TAX1BP3: variants seen among roughly 807,000 people sequenced by gnomAD.
TAX1BP3 encodes the protein Tax1 binding protein 3.
TAX1BP3 carries 13 observed loss-of-function variants against 15.3 expected under a neutral mutation model. The observed-to-expected ratio is 0.85, with a 90% confidence interval of 0.55 to 1.35. The LOEUF is 1.35. Ranked by LOEUF, TAX1BP3 falls within the 40% of genes most tolerant of loss-of-function variation. The pLI is 0.00. For synonymous variants in TAX1BP3, 70 were observed against 66.0 expected (o/e 1.06, Z -0.30); for missense variants, 147 against 169.6 (o/e 0.87, Z 0.74).
chr17:3,664,440 C>T, intron 2 of TAX1BP3, 168 bp from the exon 3 acceptor site: 1 of 970,768 alleles, frequency 1.0e-6, no homozygotes. Context: ...GGCAGAGTTG[C>T]TGCACCACCA....
chr17:3,665,172 AG>A (rs2076325384), intron 1 of TAX1BP3: 13 of 887,136 alleles, frequency 1.5e-5, no homozygotes, highest in Non-Finnish European at 2.4e-5. Context: ...AAGGAGAGGA[AG>A]GGGTTTCCTT....
At chr17:3,665,683 C>T (rs1414686465) in intron 1 of TAX1BP3, 5 of 842,824 alleles carry the variant, frequency 5.9e-6, no homozygotes, top group Non-Finnish European at 7.8e-6. Context: ...GAACCTATTC[C>T]CTATGAATTC....
chr17:3,664,107 G>C, intron 3 of TAX1BP3, 88 bp downstream of exon 3: 15 of 1,560,200 alleles, frequency 9.6e-6, no homozygotes, highest in Non-Finnish European at 1.3e-5. Context: ...GTCTCTCCCA[G>C]CTGGGAGGCT....
chr17:3,668,473 C>T lies in TAX1BP3; in HGVS notation c.39+15G>A, dbSNP rs1376695027. 1 of 1,607,878 alleles carries T rather than the reference C, an allele frequency of 6.2e-7. No homozygotes were observed. The highest frequency in any genetic ancestry group is 1.7e-5 in the Admixed American group (1 of 59,596). On this transcript the variant is annotated intron_variant, in intron 1 of 3. Coordinates refer to ENST00000225525, the MANE Select transcript of TAX1BP3 (RefSeq NM_014604.4). The surrounding 1 kb of genome is among the most constrained non-coding windows in gnomAD (Gnocchi z 4.1). ...TCAGGCCAAGACGAGGAGGAGCCCG[C>T]GCAAGCGCACTCACCACCACGGCGG... is the stretch of plus-strand genomic sequence containing the variant.
chr17:3,664,918 C>G, intron 1 of TAX1BP3, 120 bp from the exon 2 acceptor site: 1 of 1,417,378 alleles, frequency 7.1e-7, no homozygotes, highest in Non-Finnish European at 9.5e-7. Context: ...CTGCAGGAAT[C>G]CAGCTGCTCA....
Position 3,668,368 on chromosome 17 carries a change from GC to G in TAX1BP3, c.39+119del. On this transcript the variant is annotated intron_variant, in intron 1 of 3. Coordinates refer to ENST00000225525, the MANE Select transcript of TAX1BP3 (RefSeq NM_014604.4). The surrounding 1 kb of genome is among the most constrained non-coding windows in gnomAD (Gnocchi z 4.1). ...CGGCAAAGCGGGGACCCGAGCCCTT[GC>G]CGCCGGTTCGCAGGAGCCCCGGGTT... 3 of 1,327,388 alleles carry G rather than the reference GC, an allele frequency of 2.3e-6. No homozygotes were observed. The highest frequency in any genetic ancestry group is 3.0e-6 in the Non-Finnish European group (3 of 985,966). 82.2% of individuals were successfully genotyped at this position (1,327,388 alleles called of 1,614,324 possible).
rs1353215438 is a variant in TAX1BP3, at chr17:3,668,193, A to G, written c.39+295T>C. Among the ~76,000 whole-genome samples, 1 of 152,068 alleles carries G rather than the reference A, an allele frequency of 6.6e-6. No individual in the cohort carries two copies. The highest frequency in any genetic ancestry group is 1.5e-5 in the Non-Finnish European group (1 of 67,996). On this transcript the variant is annotated intron_variant, in intron 1 of 3. Transcript: ENST00000225525. This position sits in a 1 kb window ranked among gnomAD's most constrained non-coding sequence, Gnocchi z 4.1. Reference sequence around the variant, plus strand: ...CCGTCTGGGGACACGGAGGCCCGGGAAGGGGGCGCTTTTCCAGGCTCCTGC... The same window carrying G: ...CCGTCTGGGGACACGGAGGCCCGGGGAGGGGGCGCTTTTCCAGGCTCCTGC...
rs2142991081 is a variant in TAX1BP3, at chr17:3,663,426, G to A, written c.*322C>T. ...TTTCCCAGCTTTTGGGGGCTCCCAA[G>A]AGATAGTGGTTCCCACTTGCCCAGC... is the stretch of plus-strand genomic sequence containing the variant. On this transcript the variant is annotated 3_prime_UTR_variant, in exon 4 of 4. Transcript: ENST00000225525. 1 of 266,806 alleles carries A rather than the reference G, an allele frequency of 3.7e-6. No homozygotes were observed. Among genetic ancestry groups the A allele is most frequent in the East Asian group, 6.6e-5 (1 of 15,050 alleles). The allele number at this position is 266,806 out of a possible 1,614,324, so 16.5% of individuals were successfully genotyped here. A position where few individuals can be genotyped will look rare whatever the true frequency, so the allele number is the denominator to read the frequency against.
chr17:3,668,413 CT>C lies in TAX1BP3; in HGVS notation c.39+74del, dbSNP rs2076365246. 1.3e-6 allele frequency: 2 copies of C among 1,570,316 alleles called. No homozygotes were observed. Among genetic ancestry groups the C allele is most frequent in the Non-Finnish European group, 8.7e-7 (1 of 1,155,014 alleles). Reference sequence around the variant, plus strand: ...CCGGGTTCGATGCTCTGTCAACCTGCTTGGGGTGTCCGTTTCCCGCTCTGCG... The same window carrying C: ...CCGGGTTCGATGCTCTGTCAACCTGCTGGGGTGTCCGTTTCCCGCTCTGCG... On this transcript the variant is annotated intron_variant, in intron 1 of 3. Coordinates refer to ENST00000225525, the MANE Select transcript of TAX1BP3 (RefSeq NM_014604.4). This position sits in a 1 kb window ranked among gnomAD's most constrained non-coding sequence, Gnocchi z 4.1.
At chr17:3,665,738 GCT>G (rs1567722059) in intron 1 of TAX1BP3, 32 of 279,292 alleles carry the variant, frequency 1.1e-4, no homozygotes, top group South Asian at 1.9e-4. Flanking sequence ...GGATCTCTGG[GCT>G]CCAAAAAAAA....
At chr17:3,666,984 C>T (rs972296645) in intron 1 of TAX1BP3, among the ~76,000 whole-genome samples, 1 of 152,148 alleles carries the variant, frequency 6.6e-6, no homozygotes, top group Non-Finnish European at 1.5e-5. Context: ...CCTCACCTGT[C>T]CCTGCCCCCC....
At chr17:3,664,139 G>T in intron 3 of TAX1BP3, 56 bp downstream of exon 3, 1 of 1,607,794 alleles carries the variant, frequency 6.2e-7, no homozygotes, top group Non-Finnish European at 8.5e-7. Flanking sequence ...CCACCCCCAA[G>T]TGCTTCAGAC....
intron 1 of TAX1BP3, 134 bp from the exon 2 acceptor site, chr17:3,664,932 G>T (rs4319811): frequency 7.6e-7 from 1 of 1,324,202 alleles, no homozygotes; most frequent in Non-Finnish European, 1.0e-6. Flanking sequence ...CTGCTCACCA[G>T]CCTGGGAGGC....
intron 1 of TAX1BP3, among the ~76,000 whole-genome samples, chr17:3,667,445 G>A (rs1187427429): frequency 6.6e-6 from 1 of 151,664 alleles, no homozygotes; most frequent in Non-Finnish European, 1.5e-5. Context: ...GCCTGAGCCA[G>A]TGCTCTAAGC....
chr17:3,663,859 G>A lies in TAX1BP3; in HGVS notation c.264C>T (p.Val88=), dbSNP rs1375506957. The change falls in exon 4 of 4, where the codon GTC becomes GTT. Residue 88 remains valine, a synonymous_variant. Coordinates refer to ENST00000225525, the MANE Select transcript of TAX1BP3 (RefSeq NM_014604.4). ...MQVNGWDMTM[V]THDQARKRLT... ...GCCGCTTGCGGGCCTGGTCGTGTGT[G>A]ACCATGGTCATGTCCCAGCCGTTCA... 2.5e-6 allele frequency: 4 copies of A among 1,609,236 alleles called. No individual in the cohort carries two copies. The South Asian group carries it at 4.4e-5, about 18-fold the overall frequency.
intron 3 of TAX1BP3, 149 bp downstream of exon 3, chr17:3,664,046 C>T (rs899926560): frequency 1.4e-6 from 2 of 1,417,884 alleles, no homozygotes; most frequent in Non-Finnish European, 1.9e-6. Flanking sequence ...GGAGAGAAAG[C>T]CAGCGTCCTC....
Position 3,663,647 on chromosome 17 carries a change from C to G in TAX1BP3, c.*101G>C. On this transcript the variant is annotated 3_prime_UTR_variant, in exon 4 of 4. Transcript: ENST00000225525. Reference sequence around the variant, plus strand: ...TGGGACCAGCTATAGCCCTTCTGAGCTGGGGCCCAGCGGTCAGCAGAAGCC... The same window carrying G: ...TGGGACCAGCTATAGCCCTTCTGAGGTGGGGCCCAGCGGTCAGCAGAAGCC... The G allele has an allele frequency of 6.7e-7, 1 of 1,484,260 alleles. No homozygotes were observed. The highest frequency in any genetic ancestry group is 9.0e-7 in the Non-Finnish European group (1 of 1,115,606). The allele number at this position is 1,484,260 out of a possible 1,614,324, so 91.9% of individuals were successfully genotyped here. A position where few individuals can be genotyped will look rare whatever the true frequency, so the allele number is the denominator to read the frequency against.
rs772867295 is a variant in TAX1BP3 at position 3,663,794 on chromosome 17, G to A, written c.329C>T (p.Thr110Met). Reference sequence around the variant, plus strand: ...CACGGCCTTCTGCAGCGACTGCCGCGTCACCAGCAGACGCACCACCTCCTC... The same window carrying A: ...CACGGCCTTCTGCAGCGACTGCCGCATCACCAGCAGACGCACCACCTCCTC... ...RSEEVVRLLV[T>M]RQSLQKAVQQ... Residue 110 changes from threonine to methionine, a missense_variant, in exon 4 of 4, where the codon ACG becomes ATG. Transcript: ENST00000225525. 65 of 1,607,552 alleles carry A rather than the reference G, an allele frequency of 4.0e-5. No individual in the cohort carries two copies. The highest frequency in any genetic ancestry group is 5.1e-5 in the Non-Finnish European group (60 of 1,179,756).
intron 1 of TAX1BP3, 76 bp from the exon 2 acceptor site, chr17:3,664,874 T>A (rs2076321954): frequency 1.3e-6 from 2 of 1,559,064 alleles, no homozygotes; most frequent in Non-Finnish European, 8.7e-7. Context: ...AGCAGCAGCC[T>A]CAGAGCCATG....
Sources: gnomAD v4.1 joint callset for allele counts (sites outside exome capture counted in the v4.1 genomes callset) on GRCh38, gnomAD v4.1.1 for gene constraint, Gnocchi (gnomAD v3.1) non-coding constraint, MANE v1.5 for transcripts, NCBI Gene and HGNC (gene_info 2026-07-23, HGNC 2026-07-21) for gene names.